The following L3MBTL4 variants were observed in gnomAD, a reference collection of about 807,000 sequenced individuals.
L3MBTL4 encodes the protein L3MBTL histone methyl-lysine binding protein 4, also known as lethal(3)malignant brain tumor-like protein 4.
L3MBTL4 carries 70 observed loss-of-function variants against 84.5 expected under a neutral mutation model. The observed-to-expected ratio is 0.83, with a 90% CI of 0.68 to 1.01. The LOEUF is 1.01. Among genes scored for constraint, L3MBTL4 ranks in the 50% least tolerant of loss-of-function variants. L3MBTL4 has a pLI of 0.00. For synonymous variants in L3MBTL4, 274 were observed against 259.8 expected, an observed-to-expected ratio of 1.05 and a Z score of -0.52; for missense variants, 715 against 754.8, an observed-to-expected ratio of 0.95 and a Z score of 0.62.
intron 1 of L3MBTL4, among the ~76,000 whole-genome samples, chr18:6,336,802 G>C (rs188645077): frequency 2.0e-5 from 3 of 152,136 alleles, no homozygotes; most frequent in Non-Finnish European, 4.4e-5. Flanking sequence ...AATTACAGGC[G>C]TAGTAAGAGG....
At chr18:6,171,447 T>A (rs1275846128) in intron 13 of L3MBTL4, among the ~76,000 whole-genome samples, 1 of 152,216 alleles carries the variant, frequency 6.6e-6, no homozygotes, top group Non-Finnish European at 1.5e-5. Flanking sequence ...TATTTTAATT[T>A]TCCAAAAGAC....
chr18:6,412,269 G>A (rs185296098), intron 1 of L3MBTL4, among the ~76,000 whole-genome samples: 94 of 152,168 alleles, frequency 6.2e-4, no homozygotes, highest in African/African-American at 2.2e-3. Flanking sequence ...TTGTATAAAT[G>A]GAATTTATCC....
chr18:5,975,045 T>C (rs1815785), intron 16 of L3MBTL4, among the ~76,000 whole-genome samples: 3,095 of 152,194 alleles, frequency 0.02, 92 homozygotes, highest in African/African-American at 0.066. Context: ...AATAACATAA[T>C]GGTAGGTCCC....
chr18:6,252,952 C>T (rs537935436), intron 5 of L3MBTL4, among the ~76,000 whole-genome samples: 9 of 152,182 alleles, frequency 5.9e-5, no homozygotes, highest in South Asian at 2.1e-4. Context: ...GCCTGTAATC[C>T]CAGCACTTTG....
chr18:6,116,505 C>T lies in L3MBTL4; in HGVS notation c.1199+21689G>A, dbSNP rs111774761. ...CAGCCTCCCAATTATCTAGGATTAC[C>T]GGCATGCACCACCCTGCCCAGCTAA... On this transcript the variant is annotated intron_variant, in intron 14 of 18. Coordinates refer to ENST00000317931, the MANE Select transcript of L3MBTL4 (RefSeq NM_001330559.2). 2.7e-3 allele frequency among the ~76,000 whole-genome samples: 408 copies of T among 151,900 alleles called. 1 individual carries two copies. The highest frequency in any genetic ancestry group is 9.4e-3 in the African/African-American group (388 of 41,428).
rs1434252279 is a variant in L3MBTL4 at position 6,343,743 on chromosome 18, A to G, written c.-90-31687T>C. Among the ~76,000 whole-genome samples the G allele has an allele frequency of 2.0e-5, 3 of 152,126 alleles. No individual in the cohort carries two copies. The East Asian group carries it at 5.8e-4, about 29-fold the overall frequency. ...TGGTATGAAACTAAAAATCAATAAC[A>G]AGAGGAAAATTGGAAAATTCACAAA... On this transcript the variant is annotated intron_variant, in intron 1 of 18. Coordinates refer to ENST00000317931, the MANE Select transcript of L3MBTL4 (RefSeq NM_001330559.2).
At chr18:6,061,368 T>C (rs866882052) in intron 16 of L3MBTL4, among the ~76,000 whole-genome samples, 1 of 152,156 alleles carries the variant, frequency 6.6e-6, no homozygotes, top group East Asian at 1.9e-4. Context: ...AGCAGTTCTT[T>C]GTACATTTTG....
chr18:6,159,721 C>T lies in L3MBTL4; in HGVS notation c.1096+12107G>A, dbSNP rs1248525697. ...CTCCATACCCCACCAGCCCTTGTCGCGGCACCTCAGTTTTTTGTCATTTCA... is the reference window on the plus strand; with the variant it reads ...CTCCATACCCCACCAGCCCTTGTCGTGGCACCTCAGTTTTTTGTCATTTCA... On this transcript the variant is annotated intron_variant, in intron 13 of 18. Coordinates refer to ENST00000317931, the MANE Select transcript of L3MBTL4 (RefSeq NM_001330559.2). Among the ~76,000 whole-genome samples, 4 of 152,238 alleles carry T rather than the reference C, an allele frequency of 2.6e-5. No homozygotes were observed. In the East Asian group the frequency reaches 7.8e-4, roughly 30 times the overall value.
intron 10 of L3MBTL4, among the ~76,000 whole-genome samples, chr18:6,226,742 C>T (rs1335566960): frequency 6.6e-6 from 1 of 151,632 alleles, no homozygotes; most frequent in Non-Finnish European, 1.5e-5. Context: ...TTTTAAGAGG[C>T]ATAATTAAAA....
chr18:6,049,027 TGTAATTC>T (rs1568033066), intron 16 of L3MBTL4, among the ~76,000 whole-genome samples: 3 of 151,938 alleles, frequency 2.0e-5, no homozygotes, highest in African/African-American at 7.3e-5. Context: ...GGTTCACACA[TGTAATTC>T]CAGCACTCAG....
intron 1 of L3MBTL4, among the ~76,000 whole-genome samples, chr18:6,325,177 T>C (rs751238580): frequency 1.3e-5 from 2 of 152,132 alleles, no homozygotes; most frequent in Non-Finnish European, 2.9e-5. Flanking sequence ...AAGAGATAAG[T>C]TCATGTTAAT....
intron 16 of L3MBTL4, among the ~76,000 whole-genome samples, chr18:6,052,669 C>G (rs1280290481): frequency 3.9e-5 from 6 of 152,220 alleles, no homozygotes; most frequent in Admixed American, 3.3e-4. Flanking sequence ...ATTTTTCCAT[C>G]TAATCTTCTG....
At chr18:6,080,014 T>C (rs1385349511) in intron 16 of L3MBTL4, 1 of 152,232 alleles carries the variant, frequency 6.6e-6, no homozygotes, top group Non-Finnish European at 1.5e-5. Flanking sequence ...CTGCCTGAAG[T>C]GAGCAGTTCA....
At chr18:6,086,105 G>A (rs952398232) in intron 15 of L3MBTL4, among the ~76,000 whole-genome samples, 4 of 152,126 alleles carry the variant, frequency 2.6e-5, no homozygotes, top group Non-Finnish European at 5.9e-5. Flanking sequence ...TAATAAGCAA[G>A]TACTGCTGTA....
At chr18:6,041,028 G>A in intron 16 of L3MBTL4, among the ~76,000 whole-genome samples, 1 of 152,230 alleles carries the variant, frequency 6.6e-6, no homozygotes, top group East Asian at 1.9e-4. Flanking sequence ...AGAAATAGCA[G>A]TGGCTGACAC....
At chr18:6,100,540 T>A (rs913337514) in intron 14 of L3MBTL4, among the ~76,000 whole-genome samples, 1 of 152,218 alleles carries the variant, frequency 6.6e-6, no homozygotes, top group Non-Finnish European at 1.5e-5. Flanking sequence ...CTTGGTATAA[T>A]GAGTGATTTG....
chr18:6,008,588 G>T (rs28370905), intron 16 of L3MBTL4, among the ~76,000 whole-genome samples: 4,181 of 152,116 alleles, frequency 0.027, 202 homozygotes, highest in African/African-American at 0.097. Context: ...TCTTACAAGG[G>T]CATAATCGTG....
At chr18:6,032,300 GAACT>G (rs1369076645) in intron 16 of L3MBTL4, 3 of 905,482 alleles carry the variant, frequency 3.3e-6, no homozygotes, top group Non-Finnish European at 3.9e-6. Context: ...AAAAAAAAAA[GAACT>G]AACAACAAGT....
At chr18:6,162,831 T>C (rs922745697) in intron 13 of L3MBTL4, among the ~76,000 whole-genome samples, 35 of 152,170 alleles carry the variant, frequency 2.3e-4, no homozygotes, top group Admixed American at 2.3e-3. Flanking sequence ...AGGTAAGATA[T>C]TGTCTTCAGA....
Sources: allele counts gnomAD v4.1 joint callset (sites outside exome capture counted in the v4.1 genomes callset), GRCh38; gene constraint gnomAD v4.1.1; transcripts MANE v1.5; gene names NCBI Gene and HGNC (gene_info 2026-07-23, HGNC 2026-07-21).